The following SLC26A7 variants were observed in gnomAD, a reference collection of about 807,000 sequenced individuals.
The protein encoded by SLC26A7 is solute carrier family 26 member 7.
In SLC26A7, 59 loss-of-function variants were observed where a neutral mutation model predicts 82.5. The ratio of observed to expected loss-of-function variants is 0.72; its 90% CI spans 0.58 to 0.89. SLC26A7 has a LOEUF of 0.89. Among genes scored for constraint, SLC26A7 ranks in the 40% least tolerant of loss-of-function variants. SLC26A7 has a pLI of 0.00. For missense variants in SLC26A7, 820 were observed against 793.0 expected, an observed-to-expected ratio of 1.03 and a Z score of -0.41; for synonymous variants, 271 against 274.3, an observed-to-expected ratio of 0.99 and a Z score of 0.12.
chr8:91,369,385 T>C (rs538806701), intron 14 of SLC26A7, among the ~76,000 whole-genome samples: 4 of 150,762 alleles, frequency 2.7e-5, no homozygotes, highest in African/African-American at 9.7e-5. Flanking sequence ...TTTTTTTTAA[T>C]CCAGCATTTT....
intron 16 of SLC26A7, 94 bp from the exon 17 acceptor site, chr8:91,393,703 T>C (rs1808469007): frequency 2.2e-6 from 3 of 1,377,200 alleles, no homozygotes; most frequent in Middle Eastern, 1.8e-4. Context: ...AAACATCGGC[T>C]TTAAAGAAAG....
chr8:91,370,540 AC>A (rs1296955725), intron 15 of SLC26A7, among the ~76,000 whole-genome samples: 10 of 152,210 alleles, frequency 6.6e-5, no homozygotes, highest in African/African-American at 1.9e-4. Flanking sequence ...GTTCAGATTT[AC>A]CTGAAAAATC....
intron 9 of SLC26A7, among the ~76,000 whole-genome samples, chr8:91,350,445 A>G (rs541205597): frequency 6.6e-6 from 1 of 152,004 alleles, no homozygotes; most frequent in Non-Finnish European, 1.5e-5. Flanking sequence ...TTTTGAAAAA[A>G]AAATTGTTGT....
intron 2 of SLC26A7, among the ~76,000 whole-genome samples, chr8:91,281,482 T>A (rs544793288): frequency 0.023 from 3,441 of 152,290 alleles, 112 homozygotes; most frequent in African/African-American, 0.077. Flanking sequence ...TGCCATTTTC[T>A]ATAAATGACT....
At chr8:91,233,124 A>G (rs927787652) in intron 2 of SLC26A7, among the ~76,000 whole-genome samples, 3 of 152,222 alleles carry the variant, frequency 2.0e-5, no homozygotes, top group Admixed American at 6.5e-5. Context: ...ATGAAAAAGA[A>G]ACCATCAAAC....
intron 2 of SLC26A7, among the ~76,000 whole-genome samples, chr8:91,254,750 A>G (rs1236074345): frequency 1.3e-5 from 2 of 152,296 alleles, no homozygotes; most frequent in East Asian, 3.9e-4. Context: ...CTAAGTTCAA[A>G]TATTTCCTAG....
intron 2 of SLC26A7, among the ~76,000 whole-genome samples, chr8:91,229,036 G>A (rs1434242274): frequency 1.3e-5 from 2 of 152,206 alleles, no homozygotes; most frequent in Non-Finnish European, 2.9e-5. Flanking sequence ...AAGCCTCAGA[G>A]AGCTTTTTTC....
Position 91,343,160 on chromosome 8 carries a change from C to T in SLC26A7, c.1027-193C>T, listed in dbSNP as rs530186742. ...TTCTGAGGATTAAATGAGTAAAGTG[C>T]TTGAGAACAATTTCTTGCTCATTGT... On this transcript the variant is annotated intron_variant, in intron 8 of 18. Transcript: ENST00000276609. 1.4e-4 allele frequency: 74 copies of T among 532,340 alleles called. No homozygotes were observed. The East Asian group carries it at 1.8e-3, about 13-fold the overall frequency. The allele number at this position is 532,340 out of a possible 1,614,324, so 33.0% of individuals were successfully genotyped here. A position where few individuals can be genotyped will look rare whatever the true frequency, so the allele number is the denominator to read the frequency against.
chr8:91,220,637 T>C (rs1810145669), intron 2 of SLC26A7, among the ~76,000 whole-genome samples: 1 of 152,206 alleles, frequency 6.6e-6, no homozygotes, highest in South Asian at 2.1e-4. Context: ...TTGCTGAGGA[T>C]GATGGCTTCT....
intron 2 of SLC26A7, among the ~76,000 whole-genome samples, chr8:91,288,393 A>G (rs1811767475): frequency 6.6e-6 from 1 of 152,150 alleles, no homozygotes; most frequent in South Asian, 2.1e-4. Context: ...CGTTGAAACC[A>G]CCAGTGGTCA....
At chr8:91,259,611 T>G (rs567092264) in intron 2 of SLC26A7, among the ~76,000 whole-genome samples, 1 of 152,220 alleles carries the variant, frequency 6.6e-6, no homozygotes, top group South Asian at 2.1e-4. Context: ...CCCTTCAGCA[T>G]CATATGCTCT....
upstream of SLC26A7, among the ~76,000 whole-genome samples, chr8:91,247,965 A>T (rs1810570137): frequency 6.6e-6 from 1 of 152,168 alleles, no homozygotes; most frequent in Non-Finnish European, 1.5e-5. Context: ...TGCGTATATA[A>T]TAAATGGAGT....
At chr8:91,246,376 A>G (rs986609517), upstream of SLC26A7, among the ~76,000 whole-genome samples, 2 of 152,212 alleles carry the variant, frequency 1.3e-5, no homozygotes, top group Non-Finnish European at 2.9e-5. Flanking sequence ...AAGGAGGAAA[A>G]CCAATAAACA....
intron 1 of SLC26A7, among the ~76,000 whole-genome samples, chr8:91,212,004 A>G (rs1008705371): frequency 1.3e-5 from 2 of 152,160 alleles, no homozygotes; most frequent in African/African-American, 2.4e-5. Context: ...TTCAGTCTCA[A>G]ATATCAATCT....
At chr8:91,369,857 A>G (rs761852284) in intron 15 of SLC26A7, 24 bp downstream of exon 15, 15 of 1,579,016 alleles carry the variant, frequency 9.5e-6, no homozygotes, top group Non-Finnish European at 1.3e-5. Flanking sequence ...AAGGAAAAAG[A>G]AAATCTAAGT....
At chr8:91,344,088 G>A (rs899544874) in intron 9 of SLC26A7, 3 of 985,164 alleles carry the variant, frequency 3.0e-6, no homozygotes, top group Non-Finnish European at 3.6e-6. Context: ...TGGTGGTAGT[G>A]GTGGAAAAGA....
intron 5 of SLC26A7, among the ~76,000 whole-genome samples, chr8:91,326,929 C>T (rs547210402): frequency 8.5e-5 from 13 of 152,224 alleles, no homozygotes; most frequent in African/African-American, 2.9e-4. Flanking sequence ...CATGGCCTTC[C>T]CTGCTGTTTG....
Position 91,261,960 on chromosome 8 carries a change from A to T in SLC26A7, c.193+12116A>T, listed in dbSNP as rs1043036403. Among the ~76,000 whole-genome samples the T allele has an allele frequency of 2.6e-5, 4 of 152,114 alleles. No homozygotes were observed. In the East Asian group the frequency reaches 7.7e-4, roughly 29 times the overall value. ...ATTAGCCAGTAGCATGGATTAGGAAATAGTAGAAGAGAGTAAAACGTACCA... is the reference window on the plus strand; with the variant it reads ...ATTAGCCAGTAGCATGGATTAGGAATTAGTAGAAGAGAGTAAAACGTACCA... On this transcript the variant is annotated intron_variant, in intron 2 of 18. Coordinates refer to ENST00000276609, the MANE Select transcript of SLC26A7 (RefSeq NM_052832.4).
intron 2 of SLC26A7, among the ~76,000 whole-genome samples, chr8:91,285,252 G>A (rs111728578): frequency 3.9e-4 from 59 of 152,308 alleles, no homozygotes; most frequent in Non-Finnish European, 6.8e-4. Flanking sequence ...GTGTTCACAT[G>A]CCTTCATCGT....
Sources: gnomAD v4.1 joint callset for allele counts (sites outside exome capture counted in the v4.1 genomes callset) on GRCh38, gnomAD v4.1.1 for gene constraint, MANE v1.5 for transcripts, NCBI Gene and HGNC (gene_info 2026-07-23, HGNC 2026-07-21) for gene names.